FMN2: variants seen among roughly 807,000 people sequenced by gnomAD.
FMN2 encodes formin-2.
A neutral mutation model predicts 142.3 loss-of-function variants in FMN2; 51 were observed. The ratio of observed to expected loss-of-function variants is 0.36; its 90% CI spans 0.29 to 0.45. FMN2 has a LOEUF of 0.45. Among genes scored for constraint, FMN2 ranks in the 20% least tolerant of loss-of-function variants. FMN2 has a pLI of 1.00. For synonymous variants in FMN2, 882 were observed against 869.8 expected, an observed-to-expected ratio of 1.01 and a Z score of -0.25; for missense variants, 1,936 against 2,122.8, an observed-to-expected ratio of 0.91 and a Z score of 1.73.
At chr1:240,350,918 A>T (rs1481796907) in intron 13 of FMN2, among the ~76,000 whole-genome samples, 1 of 152,194 alleles carries the variant, frequency 6.6e-6, no homozygotes, top group Non-Finnish European at 1.5e-5. Context: ...TTGCAGATAA[A>T]CAAGAAGCTC....
Position 240,122,071 on chromosome 1 carries a change from A to ATTTATTT in FMN2, c.1616-1108_1616-1107insTTTATTT, listed in dbSNP as rs1558305811. On this transcript the variant is annotated intron_variant, in intron 1 of 17. Coordinates refer to ENST00000319653, the MANE Select transcript of FMN2 (RefSeq NM_020066.5). ...TAGCCTTTTGGATCCAAAATTAATT[A>ATTTATTT]ATTAATTTATTTATTTATTTATGAA... 8.3e-3 allele frequency among the ~76,000 whole-genome samples: 1,185 copies of ATTTATTT among 143,222 alleles called. 21 individuals are homozygous for ATTTATTT. Among genetic ancestry groups the ATTTATTT allele is most frequent in the African/African-American group, 0.029 (1,126 of 38,214 alleles). 94.0% of individuals were successfully genotyped at this position (143,222 alleles called of 152,430 possible).
intron 16 of FMN2, among the ~76,000 whole-genome samples, chr1:240,451,281 C>T (rs12123904): frequency 6.6e-6 from 1 of 151,354 alleles, no homozygotes; most frequent in Non-Finnish European, 1.5e-5. Flanking sequence ...ATCACTTGAA[C>T]CTGGGAGGTG....
At chr1:240,288,653 T>TAGAAC (rs775461737) in intron 7 of FMN2, among the ~76,000 whole-genome samples, 15 of 152,004 alleles carry the variant, frequency 9.9e-5, no homozygotes, top group South Asian at 8.3e-4. Flanking sequence ...CTGAATAGAA[T>TAGAAC]AGAACAGAAC....
At chr1:240,140,097 A>G (rs763655535) in intron 2 of FMN2, among the ~76,000 whole-genome samples, 2 of 152,082 alleles carry the variant, frequency 1.3e-5, no homozygotes, top group Non-Finnish European at 2.9e-5. Flanking sequence ...GAGTGCTTGC[A>G]TTGGCTTACT....
chr1:240,371,442 A>G (rs1199093612), intron 14 of FMN2, among the ~76,000 whole-genome samples: 3 of 152,174 alleles, frequency 2.0e-5, no homozygotes, highest in Non-Finnish European at 2.9e-5. Flanking sequence ...CTGAACCTCA[A>G]TTACATTCTT....
Position 240,091,894 on chromosome 1 carries a change from C to G in FMN2, c.-216C>G, listed in dbSNP as rs907530200. 3 of 758,444 alleles carry G rather than the reference C, an allele frequency of 4.0e-6. No individual in the cohort carries two copies. Among genetic ancestry groups the G allele is most frequent in the Non-Finnish European group, 5.7e-6 (3 of 523,094 alleles). The allele number at this position is 758,444 out of a possible 1,614,324, so 47.0% of individuals were successfully genotyped here. ...GCCGGCCCCTAGCCGCAGCCGCAGC[C>G]GCAGCGACGGCAGCCACGGGAGCCG... On this transcript the variant is annotated 5_prime_UTR_variant, in exon 1 of 18. Coordinates refer to ENST00000319653, the MANE Select transcript of FMN2 (RefSeq NM_020066.5).
intron 16 of FMN2, among the ~76,000 whole-genome samples, chr1:240,466,335 T>C (rs1676618955): frequency 1.3e-5 from 2 of 152,208 alleles, no homozygotes; most frequent in African/African-American, 4.8e-5. Flanking sequence ...GAATGTTTGC[T>C]TGTAAGGAGT....
In FMN2 at chr1:240,135,929, C is replaced by T. The variant is rs143074554; in HGVS notation, c.1782+12584C>T. On this transcript the variant is annotated intron_variant, in intron 2 of 17. Coordinates refer to ENST00000319653, the MANE Select transcript of FMN2 (RefSeq NM_020066.5). ...CCTGACCTTAGGTGATCTGCCCACC[C>T]CGGCCTCCCAAAGTGCTGGGATTAC... Among the ~76,000 whole-genome samples the T allele has an allele frequency of 4.0e-4, 61 of 151,062 alleles. No homozygotes were observed. In the East Asian group the frequency reaches 9.6e-3, roughly 24 times the overall value.
intron 16 of FMN2, among the ~76,000 whole-genome samples, chr1:240,449,142 CAA>C (rs35957230): frequency 2.8e-4 from 38 of 137,442 alleles, no homozygotes; most frequent in Admixed American, 2.9e-4. Context: ...GACCCTGTCT[CAA>C]AAAAAAAAAA....
chr1:240,438,493 C>A (rs972642215), intron 16 of FMN2, among the ~76,000 whole-genome samples: 1 of 152,132 alleles, frequency 6.6e-6, no homozygotes, highest in Non-Finnish European at 1.5e-5. Context: ...AAAGTGACCA[C>A]GTAAGAAGGC....
At chr1:240,381,618 C>T (rs1357965202) in intron 14 of FMN2, among the ~76,000 whole-genome samples, 11 of 151,992 alleles carry the variant, frequency 7.2e-5, no homozygotes, top group African/African-American at 1.7e-4. Context: ...TTAGTAGATA[C>T]GGGACTTCTC....
In FMN2 at chr1:240,460,373, C is replaced by T. The variant is rs549837088; in HGVS notation, c.5061-11999C>T. On this transcript the variant is annotated intron_variant, in intron 16 of 17. Transcript: ENST00000319653. ...TTGAGAGGCCAAGGCGGGCATATCA[C>T]CTGAGGTCAGGAGTTCGAGACCAGC... 4.6e-5 allele frequency among the ~76,000 whole-genome samples: 7 copies of T among 152,306 alleles called. No individual in the cohort carries two copies. In the East Asian group the frequency reaches 1.4e-3, roughly 29 times the overall value.
intron 13 of FMN2, among the ~76,000 whole-genome samples, chr1:240,345,150 C>A (rs1480289969): frequency 6.6e-6 from 1 of 152,132 alleles, no homozygotes; most frequent in East Asian, 1.9e-4. Flanking sequence ...TAAAATAATT[C>A]TTCTTCAGCA....
chr1:240,219,471 G>A (rs1039721439), intron 6 of FMN2, among the ~76,000 whole-genome samples: 6 of 151,982 alleles, frequency 3.9e-5, no homozygotes, highest in South Asian at 2.1e-4. Flanking sequence ...ACCAAACTTC[G>A]TGTGACCTAA....
At chr1:240,144,526 G>A in intron 2 of FMN2, 1 of 1,481,190 alleles carries the variant, frequency 6.8e-7, no homozygotes, top group Non-Finnish European at 9.4e-7. Flanking sequence ...CATCCTCGCA[G>A]GATGTGAAGA....
intron 8 of FMN2, among the ~76,000 whole-genome samples, chr1:240,308,139 G>A (rs1406820750): frequency 2.6e-5 from 4 of 152,112 alleles, no homozygotes; most frequent in Non-Finnish European, 5.9e-5. Flanking sequence ...TAGGAATTGC[G>A]GGAGATGAGG....
chr1:240,144,463 C>A, intron 2 of FMN2: 3 of 1,569,758 alleles, frequency 1.9e-6, no homozygotes, highest in Non-Finnish European at 1.8e-6. Context: ...CACTCAGCTC[C>A]AGGAACACCC....
intron 10 of FMN2, 55 bp from the exon 11 acceptor site, chr1:240,330,548 A>G: frequency 1.3e-6 from 2 of 1,579,310 alleles, no homozygotes; most frequent in South Asian, 2.4e-5. Context: ...TCGATGATTC[A>G]AACAAAACCT....
At position 240,144,019 on chromosome 1, in the gene FMN2, A is replaced by G. The variant is rs1663315071; in HGVS notation, c.1782+20674A>G. 23 of 1,152,676 alleles carry G rather than the reference A, an allele frequency of 2.0e-5. 1 individual carries two copies. In the South Asian group the frequency reaches 2.8e-4, roughly 14 times the overall value. 71.4% of individuals were successfully genotyped at this position (1,152,676 alleles called of 1,614,324 possible). On this transcript the variant is annotated intron_variant, in intron 2 of 17. Transcript: ENST00000319653. ...CAGGGACACACTCATTCCAGACCCC[A>G]GAGTTCACTATGCCACAGGCAAGAA...
Sources: allele counts gnomAD v4.1 joint callset (sites outside exome capture counted in the v4.1 genomes callset), GRCh38; gene constraint gnomAD v4.1.1; transcripts MANE v1.5; gene names NCBI Gene and HGNC (gene_info 2026-07-23, HGNC 2026-07-21).